Variants in ITPR1 observed in about 807,000 individuals in gnomAD.
The protein encoded by ITPR1 is inositol 1,4,5-trisphosphate-gated calcium channel ITPR1.
Under a neutral mutation model 318.4 loss-of-function variants are expected in ITPR1, and 96 were observed. The ratio of observed to expected loss-of-function variants is 0.30; its 90% CI spans 0.26 to 0.36. The LOEUF is 0.36. Ranked by LOEUF, ITPR1 falls within the 10% of genes least tolerant of loss-of-function variation. The probability of loss-of-function intolerance (pLI) is 1.00; values close to 1 mark genes in which losing one functional copy is unlikely to be tolerated. For synonymous variants in ITPR1, 1,312 were observed against 1,289.9 expected (o/e 1.02, Z -0.37); for missense variants, 2,440 against 3,460.2 (o/e 0.71, Z 7.40).
intron 18 of ITPR1, 113 bp downstream of exon 18, chr3:4,667,662 G>A (rs550636208): frequency 1.9e-6 from 2 of 1,053,902 alleles, no homozygotes; most frequent in East Asian, 2.6e-5. Flanking sequence ...GTTTTGATTA[G>A]TTAGGTCTGG....
chr3:4,825,182 C>G (rs531337773), intron 60 of ITPR1, among the ~76,000 whole-genome samples: 1 of 152,226 alleles, frequency 6.6e-6, no homozygotes, highest in Non-Finnish European at 1.5e-5. Context: ...CTCTCTTTGC[C>G]TCTCCTGCTC....
intron 30 of ITPR1, among the ~76,000 whole-genome samples, chr3:4,685,807 T>C (rs1158671876): frequency 6.6e-6 from 1 of 152,228 alleles, no homozygotes; most frequent in Non-Finnish European, 1.5e-5. Context: ...GCATGTAGGC[T>C]GACAAGACAC....
At chr3:4,727,248 GA>G in intron 42 of ITPR1, 75 bp downstream of exon 42, 1 of 1,054,926 alleles carries the variant, frequency 9.5e-7, no homozygotes, top group Non-Finnish European at 1.4e-6. Context: ...CACACACTGT[GA>G]TTGAGAGACA....
chr3:4,642,693 C>G (rs749560961), intron 7 of ITPR1, among the ~76,000 whole-genome samples: 6 of 152,134 alleles, frequency 3.9e-5, no homozygotes, highest in South Asian at 4.2e-4. Flanking sequence ...GTTGCTGTGT[C>G]GAGAAGCCGG....
At chr3:4,544,568 A>T (rs2084782336) in intron 4 of ITPR1, among the ~76,000 whole-genome samples, 1 of 152,186 alleles carries the variant, frequency 6.6e-6, no homozygotes. Flanking sequence ...TTTGTTAGTG[A>T]TGCCTTAGTT....
intron 4 of ITPR1, among the ~76,000 whole-genome samples, chr3:4,571,398 T>G (rs1319165705): frequency 6.6e-6 from 1 of 152,158 alleles, no homozygotes; most frequent in Non-Finnish European, 1.5e-5. Flanking sequence ...TGGAGTGCAG[T>G]GGCATGATCA....
At chr3:4,839,050 G>A (rs997678203) in intron 61 of ITPR1, among the ~76,000 whole-genome samples, 2 of 152,194 alleles carry the variant, frequency 1.3e-5, no homozygotes, top group Non-Finnish European at 2.9e-5. Context: ...GTATAGTGCC[G>A]GGCGTGGTGG....
chr3:4,577,430 G>A (rs2088805270), intron 4 of ITPR1, among the ~76,000 whole-genome samples: 1 of 152,162 alleles, frequency 6.6e-6, no homozygotes, highest in South Asian at 2.1e-4. Flanking sequence ...AAACTTGCAG[G>A]GATGCTGACG....
intron 42 of ITPR1, among the ~76,000 whole-genome samples, chr3:4,732,493 T>C (rs56175215): frequency 0.19 from 29,170 of 152,048 alleles, 3,072 homozygotes; most frequent in Non-Finnish European, 0.24. Flanking sequence ...TGGGTTTTTT[T>C]TTATATATTT....
chr3:4,821,401 TCGGGCAGGGAGGA>T (rs2049707400), intron 60 of ITPR1, among the ~76,000 whole-genome samples: 2 of 152,272 alleles, frequency 1.3e-5, no homozygotes, highest in East Asian at 3.9e-4. Context: ...CAGATGCCAC[TCGGGCAGGGAGGA>T]GCCCAGCTGC....
At chr3:4,835,670 A>C (rs1039463700) in intron 60 of ITPR1, among the ~76,000 whole-genome samples, 25 of 152,170 alleles carry the variant, frequency 1.6e-4, no homozygotes, top group African/African-American at 6.0e-4. Context: ...AGACATGTGG[A>C]ATGAGTCAGT....
At chr3:4,810,773 A>G (rs1191025029) in intron 55 of ITPR1, among the ~76,000 whole-genome samples, 1 of 152,214 alleles carries the variant, frequency 6.6e-6, no homozygotes, top group Non-Finnish European at 1.5e-5. Flanking sequence ...GGTGGACAGT[A>G]GCTGAGCTGA....
chr3:4,652,007 T>C lies in ITPR1; in HGVS notation c.856-116T>C, dbSNP rs1026452079. 10 of 805,254 alleles carry C rather than the reference T, an allele frequency of 1.2e-5. No individual in the cohort carries two copies. The African/African-American group carries it at 1.7e-4, about 14-fold the overall frequency. 49.9% of individuals were successfully genotyped at this position (805,254 alleles called of 1,614,324 possible). A position where few individuals can be genotyped will look rare whatever the true frequency, so the allele number is the denominator to read the frequency against. On this transcript the variant is annotated intron_variant, in intron 10 of 61. Transcript: ENST00000649015. ...GCAATGGGTTTGTTGAAGATGCTGATTTTCTTTTTCTAGCTTATAAACATC... is the reference window on the plus strand; with the variant it reads ...GCAATGGGTTTGTTGAAGATGCTGACTTTCTTTTTCTAGCTTATAAACATC...
chr3:4,835,896 G>T (rs1470730269), intron 60 of ITPR1, among the ~76,000 whole-genome samples: 2 of 152,000 alleles, frequency 1.3e-5, no homozygotes, highest in Non-Finnish European at 2.9e-5. Flanking sequence ...ATGGACGGGG[G>T]AGGAAACTGA....
intron 23 of ITPR1, among the ~76,000 whole-genome samples, chr3:4,676,057 T>C (rs1409761756): frequency 2.6e-5 from 4 of 152,076 alleles, no homozygotes; most frequent in African/African-American, 9.7e-5. Flanking sequence ...TCAATAAAAT[T>C]TGGGCAGGGC....
rs2046653844 is a variant in ITPR1, at chr3:4,779,047, T to C, written c.6292-503T>C. 6.6e-6 allele frequency among the ~76,000 whole-genome samples: 1 copy of C among 152,250 alleles called. No individual in the cohort carries two copies. The highest frequency in any genetic ancestry group is 6.5e-5 in the Admixed American group (1 of 15,292). Reference sequence around the variant, plus strand: ...TGTTAACTAGTGTCAGATGTACTCATTATATTAGGGGTTATGAGAGCTAAT... The same window carrying C: ...TGTTAACTAGTGTCAGATGTACTCACTATATTAGGGGTTATGAGAGCTAAT... On this transcript the variant is annotated intron_variant, in intron 48 of 61. Transcript: ENST00000649015. This position sits in a 1 kb window ranked among gnomAD's most constrained non-coding sequence, Gnocchi z 4.0.
At chr3:4,777,158 C>T (rs1470711187) in intron 47 of ITPR1, 106 bp from the exon 48 acceptor site, 15 of 646,424 alleles carry the variant, frequency 2.3e-5, no homozygotes, top group Middle Eastern at 2.9e-4. Context: ...AGAGACATTA[C>T]TGGGAGTGGT....
intron 5 of ITPR1, among the ~76,000 whole-genome samples, chr3:4,634,530 GAC>G (rs2093118699): frequency 6.6e-6 from 1 of 152,098 alleles, no homozygotes; most frequent in Non-Finnish European, 1.5e-5. Flanking sequence ...CAGAGTACCT[GAC>G]ACAGAGACAT....
At chr3:4,762,213 A>C (rs1379965743) in intron 44 of ITPR1, among the ~76,000 whole-genome samples, 1 of 152,170 alleles carries the variant, frequency 6.6e-6, no homozygotes, top group East Asian at 1.9e-4. Flanking sequence ...TATGTTGCCC[A>C]GGTAGGCCTT....
Sources: gnomAD v4.1 joint callset for allele counts (sites outside exome capture counted in the v4.1 genomes callset) on GRCh38, gnomAD v4.1.1 for gene constraint, Gnocchi (gnomAD v3.1) non-coding constraint, MANE v1.5 for transcripts, NCBI Gene and HGNC (gene_info 2026-07-23, HGNC 2026-07-21) for gene names.